The following PCNX4 variants were observed in gnomAD, a reference collection of about 807,000 sequenced individuals.
PCNX4 encodes the protein pecanex 4, also known as pecanex-like protein 4.
PCNX4 carries 103 observed loss-of-function variants against 107.2 expected under a neutral mutation model. The observed-to-expected ratio is 0.96, with a 90% CI of 0.82 to 1.13. The LOEUF is 1.13. Ranked by LOEUF, PCNX4 falls within the 50% of genes most tolerant of loss-of-function variation. PCNX4 has a pLI of 0.00. For missense variants in PCNX4, 1,528 were observed against 1,379.4 expected (o/e 1.11, Z -1.71); for synonymous variants, 541 against 481.7 (o/e 1.12, Z -1.61).
In PCNX4 at chr14:60,115,323, G is replaced by T; in HGVS notation, c.1219G>T (p.Glu407Ter). The change falls in exon 4 of 11, where the codon GAA becomes TAA. Residue 407 changes from glutamate (E) to a stop codon, truncating the protein, a stop_gained. Coordinates refer to ENST00000406854, the MANE Select transcript of PCNX4 (RefSeq NM_001330177.2). LOFTEE classifies it high-confidence loss of function. ...ACTTATAATACTGTGGATACTTAGA[G>T]AAATTCAAAGCGTATATATCATTGG... ...ILLIILWILR[E>*]IQSVYIIGIF... The T allele has an allele frequency of 6.2e-7, 1 of 1,608,116 alleles. No homozygotes were observed.
intron 1 of PCNX4, among the ~76,000 whole-genome samples, chr14:60,094,644 C>T (rs1296874797): frequency 6.6e-6 from 1 of 151,538 alleles, no homozygotes; most frequent in Non-Finnish European, 1.5e-5. Flanking sequence ...ACCAGACAGC[C>T]CAGACCCCTC....
Position 60,115,268 on chromosome 14 carries a change from G to A in PCNX4, c.1164G>A (p.Gln388=). 6.2e-7 allele frequency: 1 copy of A among 1,610,892 alleles called. No homozygotes were observed. The highest frequency in any genetic ancestry group is 8.5e-7 in the Non-Finnish European group (1 of 1,177,448). The change falls in exon 4 of 11, where the codon CAG becomes CAA. Residue 388 remains glutamine, a synonymous_variant. Transcript: ENST00000406854. ...GFSQISKSNS[Q]AIVGYGLMIL... is the part of the protein sequence containing the mutation. ...CACAGATTTCTAAAAGCAATTCCCAGGCTATTGTGGGCTATGGTTTGATGA... is the reference window on the plus strand; with the variant it reads ...CACAGATTTCTAAAAGCAATTCCCAAGCTATTGTGGGCTATGGTTTGATGA...
At chr14:60,117,841 G>A (rs927520243) in intron 6 of PCNX4, among the ~76,000 whole-genome samples, 1 of 152,222 alleles carries the variant, frequency 6.6e-6, no homozygotes, top group African/African-American at 2.4e-5. Context: ...TAAATGTTCT[G>A]TAGTATTCAA....
chr14:60,104,130 C>T (rs1895585209), intron 1 of PCNX4, among the ~76,000 whole-genome samples: 1 of 151,950 alleles, frequency 6.6e-6, no homozygotes, highest in South Asian at 2.1e-4. Context: ...ACCAGCCTGA[C>T]CAACATGGTG....
rs1458255571 is a variant in PCNX4 at position 60,139,665 on chromosome 14, A to C, written c.*5444A>C. ...CAAAATACACATTATTTTCAAATGCAGATAGAATATTTATCAAAACTGACC... is the reference window on the plus strand; with the variant it reads ...CAAAATACACATTATTTTCAAATGCCGATAGAATATTTATCAAAACTGACC... On this transcript the variant is annotated 3_prime_UTR_variant, in exon 11 of 11. Transcript: ENST00000406854. 1 of 152,172 alleles carries C rather than the reference A, an allele frequency of 6.6e-6. No individual in the cohort carries two copies. Among genetic ancestry groups the C allele is most frequent in the East Asian group, 1.9e-4 (1 of 5,206 alleles). The allele number at this position is 152,172 out of a possible 1,614,324, so 9.4% of individuals were successfully genotyped here.
At position 60,141,359 on chromosome 14, in the gene PCNX4, A is replaced by T. The variant is rs1457044991; in HGVS notation, c.*7138A>T. On this transcript the variant is annotated 3_prime_UTR_variant, in exon 11 of 11. Transcript: ENST00000406854. ...AAACAAAAAACTGGTTCTTCAAAAAACAATCAAGAAAATCCATAAACCTGT... is the reference window on the plus strand; with the variant it reads ...AAACAAAAAACTGGTTCTTCAAAAATCAATCAAGAAAATCCATAAACCTGT... 1 of 152,178 alleles carries T rather than the reference A, an allele frequency of 6.6e-6. No individual in the cohort carries two copies. The highest frequency in any genetic ancestry group is 1.5e-5 in the Non-Finnish European group (1 of 68,040). The allele number at this position is 152,178 out of a possible 1,614,324, so 9.4% of individuals were successfully genotyped here.
Position 60,115,550 on chromosome 14 carries a change from A to G in PCNX4, c.1357+89A>G, listed in dbSNP as rs1895830268. On this transcript the variant is annotated intron_variant, in intron 4 of 10. Coordinates refer to ENST00000406854, the MANE Select transcript of PCNX4 (RefSeq NM_001330177.2). ...TACTCAATTCCCATATTTGTGTGGT[A>G]TTATACCATATACAAGTGTTTGTTC... is the stretch of plus-strand genomic sequence containing the variant. 3 of 1,434,680 alleles carry G rather than the reference A, an allele frequency of 2.1e-6. No individual in the cohort carries two copies. The Admixed American group carries it at 6.9e-5, about 33-fold the overall frequency. The allele number at this position is 1,434,680 out of a possible 1,614,324, so 88.9% of individuals were successfully genotyped here. A position where few individuals can be genotyped will look rare whatever the true frequency, so the allele number is the denominator to read the frequency against.
At chr14:60,133,153 A>G (rs979324849) in intron 10 of PCNX4, among the ~76,000 whole-genome samples, 5 of 152,242 alleles carry the variant, frequency 3.3e-5, no homozygotes, top group Non-Finnish European at 7.3e-5. Context: ...GAATGTTTAT[A>G]GCAACATTAT....
At chr14:60,113,921 A>T (rs1044883227) in intron 2 of PCNX4, among the ~76,000 whole-genome samples, 2 of 152,206 alleles carry the variant, frequency 1.3e-5, no homozygotes, top group African/African-American at 2.4e-5. Flanking sequence ...TGGTACATTT[A>T]ACTGTTAAGT....
At position 60,125,736 on chromosome 14, in the gene PCNX4, C is replaced by T; in HGVS notation, c.3180C>T (p.Tyr1060=). 2 of 1,610,972 alleles carry T rather than the reference C, an allele frequency of 1.2e-6. No individual in the cohort carries two copies. The highest frequency in any genetic ancestry group is 1.1e-5 in the South Asian group (1 of 90,668). ...TTGAAGAATATGAACGTGACTGGTACATTGGTTTGGTATCTGATGAAAAGT... is the reference window on the plus strand; with the variant it reads ...TTGAAGAATATGAACGTGACTGGTATATTGGTTTGGTATCTGATGAAAAGT... ...KYLEEYERDW[Y]IGLVSDEKWK... is the part of the protein sequence containing the mutation. The change falls in exon 10 of 11, where the codon TAC becomes TAT. Residue 1060 remains tyrosine, a synonymous_variant. Transcript: ENST00000406854.
chr14:60,101,367 A>T (rs1218541100), intron 1 of PCNX4, among the ~76,000 whole-genome samples: 1 of 152,202 alleles, frequency 6.6e-6, no homozygotes, highest in Non-Finnish European at 1.5e-5. Flanking sequence ...AATATTTTAC[A>T]CTTGTTCGGC....
In PCNX4 at chr14:60,143,693, CAT is replaced by C. The variant is rs1386103245; in HGVS notation, c.*9473_*9474del. 2 of 152,258 alleles carry C rather than the reference CAT, an allele frequency of 1.3e-5. No individual in the cohort carries two copies. Among genetic ancestry groups the C allele is most frequent in the African/African-American group, 2.4e-5 (1 of 41,458 alleles). The allele number at this position is 152,258 out of a possible 1,614,324, so 9.4% of individuals were successfully genotyped here. ...TATACCTCATCGTGTACCTCTACCA[CAT>C]GTCATCTTCCCCCTTTTCCAAGGAC... On this transcript the variant is annotated 3_prime_UTR_variant, in exon 11 of 11. Coordinates refer to ENST00000406854, the MANE Select transcript of PCNX4 (RefSeq NM_001330177.2).
chr14:60,118,225 A>C (rs891191865), intron 6 of PCNX4, 104 bp from the exon 7 acceptor site: 1 of 1,319,366 alleles, frequency 7.6e-7, no homozygotes, highest in Non-Finnish European at 9.8e-7. Flanking sequence ...CTTCAAAAAT[A>C]CTGGGGCAAT....
intron 10 of PCNX4, chr14:60,133,609 AG>A: frequency 2.2e-6 from 1 of 465,074 alleles, no homozygotes; most frequent in Non-Finnish European, 4.2e-6. Flanking sequence ...ATCTCAACAA[AG>A]CTGTTTCTTT....
chr14:60,119,208 C>T (rs965589674), intron 7 of PCNX4, among the ~76,000 whole-genome samples: 3 of 152,126 alleles, frequency 2.0e-5, no homozygotes, highest in Non-Finnish European at 4.4e-5. Context: ...GTACGGTAGC[C>T]TCCCAAAATG....
intron 1 of PCNX4, among the ~76,000 whole-genome samples, chr14:60,106,393 GA>G (rs892173757): frequency 1.7e-4 from 26 of 152,022 alleles, no homozygotes; most frequent in African/African-American, 5.8e-4. Context: ...ATAATAATGG[GA>G]AAAAAATCTG....
chr14:60,101,037 G>T (rs1490502267), intron 1 of PCNX4, among the ~76,000 whole-genome samples: 2 of 152,174 alleles, frequency 1.3e-5, no homozygotes, highest in Non-Finnish European at 2.9e-5. Flanking sequence ...CCTCTGCACA[G>T]TGAAACTTGG....
In PCNX4 at chr14:60,119,231, G is replaced by A. The variant is rs529057982; in HGVS notation, c.1942+539G>A. Among the ~76,000 whole-genome samples, 5 of 152,264 alleles carry A rather than the reference G, an allele frequency of 3.3e-5. No individual in the cohort carries two copies. In the South Asian group the frequency reaches 8.3e-4, roughly 25 times the overall value. The stretch of plus-strand genomic sequence containing the variant: ...GCCTCCCAAAATGAAATGCTATTCA[G>A]TTACTAGCAAGATAATAGGTTTTTG... On this transcript the variant is annotated intron_variant, in intron 7 of 10. Coordinates refer to ENST00000406854, the MANE Select transcript of PCNX4 (RefSeq NM_001330177.2).
intron 10 of PCNX4, among the ~76,000 whole-genome samples, chr14:60,127,162 A>G (rs1169790882): frequency 6.6e-6 from 1 of 152,246 alleles, no homozygotes; most frequent in Admixed American, 6.5e-5. Context: ...TCAAAAAAAG[A>G]AAACAACATA....
Sources: gnomAD v4.1 joint callset for allele counts (sites outside exome capture counted in the v4.1 genomes callset) on GRCh38, gnomAD v4.1.1 for gene constraint, MANE v1.5 for transcripts, NCBI Gene and HGNC (gene_info 2026-07-23, HGNC 2026-07-21) for gene names.